The following GPR39 variants were observed in gnomAD, a reference collection of about 807,000 sequenced individuals.
The protein encoded by GPR39 is G protein-coupled receptor 39, also known as zinc sensing receptor.
A neutral mutation model predicts 18.4 loss-of-function variants in GPR39; 23 were observed. That is an observed-to-expected ratio of 1.25 (90% confidence interval 0.90 to 1.77). The LOEUF is 1.77. Among genes scored for constraint, GPR39 ranks in the 40% most tolerant of loss-of-function variants. GPR39 has a pLI of 0.00. For synonymous variants in GPR39, 280 were observed against 257.9 expected (o/e 1.09, Z -0.82); for missense variants, 647 against 602.4 (o/e 1.07, Z -0.78).
chr2:132,551,664 C>T (rs1012527476), intron 1 of GPR39, among the ~76,000 whole-genome samples: 1 of 152,188 alleles, frequency 6.6e-6, no homozygotes, highest in African/African-American at 2.4e-5. Context: ...CATTGCCAGA[C>T]ATTTATAGAG....
At chr2:132,610,777 C>CAAAAAAAAAAAAAAAAAAAA (rs34611787) in intron 1 of GPR39, among the ~76,000 whole-genome samples, 1 of 88,726 alleles carries the variant, frequency 1.1e-5, no homozygotes, top group African/African-American at 4.5e-5. Context: ...ACTCTGTCTC[C>CAAAAAAAAAAAAAAAAAAAA]AAAAAAAAAA....
rs538233391 is a variant in GPR39 at position 132,417,396 on chromosome 2, C to T, written c.354C>T (p.Cys118=). 1.2e-6 allele frequency: 2 copies of T among 1,614,092 alleles called. No homozygotes were observed. The highest frequency in any genetic ancestry group is 2.7e-5 in the African/African-American group (2 of 74,924). ...CKLHTFLFEA[C]SYATLLHVLT... is the part of the protein sequence containing the mutation. ...TGCACACTTTCCTCTTCGAGGCCTGCAGCTACGCTACGCTGCTGCACGTGC... is the reference window on the plus strand; with the variant it reads ...TGCACACTTTCCTCTTCGAGGCCTGTAGCTACGCTACGCTGCTGCACGTGC... Residue 118 remains cysteine (C), a synonymous_variant, in exon 1 of 2, where the codon TGC becomes TGT. Coordinates refer to ENST00000329321, the MANE Select transcript of GPR39 (RefSeq NM_001508.3).
chr2:132,520,993 C>A (rs2104766703), intron 1 of GPR39, among the ~76,000 whole-genome samples: 1 of 152,338 alleles, frequency 6.6e-6, no homozygotes, highest in Middle Eastern at 3.4e-3. Flanking sequence ...GGGGTTATTT[C>A]TTTCCCATCT....
At chr2:132,497,827 T>C (rs1681676278) in intron 1 of GPR39, among the ~76,000 whole-genome samples, 1 of 152,142 alleles carries the variant, frequency 6.6e-6, no homozygotes, top group African/African-American at 2.4e-5. Context: ...ATTATCTCTG[T>C]GGATGTCTGA....
chr2:132,500,049 C>G (rs542622991), intron 1 of GPR39, among the ~76,000 whole-genome samples: 2 of 152,286 alleles, frequency 1.3e-5, no homozygotes, highest in East Asian at 3.9e-4. Flanking sequence ...TTGACTTCCT[C>G]TTTTCTGATT....
intron 1 of GPR39, among the ~76,000 whole-genome samples, chr2:132,596,869 C>T (rs1680959436): frequency 6.6e-6 from 1 of 152,194 alleles, no homozygotes; most frequent in Non-Finnish European, 1.5e-5. Context: ...ATGTATATCC[C>T]AGGTTGAGAA....
At chr2:132,473,060 G>A (rs1681062929) in intron 1 of GPR39, among the ~76,000 whole-genome samples, 1 of 152,138 alleles carries the variant, frequency 6.6e-6, no homozygotes, top group African/African-American at 2.4e-5. Flanking sequence ...ACCTGCTACA[G>A]AGTTCTCTGT....
chr2:132,626,233 C>T lies in GPR39; in HGVS notation c.857-18868C>T, dbSNP rs190394052. Among the ~76,000 whole-genome samples, 12 of 152,218 alleles carry T rather than the reference C, an allele frequency of 7.9e-5. No individual in the cohort carries two copies. The East Asian group carries it at 2.3e-3, about 29-fold the overall frequency. The stretch of plus-strand genomic sequence containing the variant: ...GTGCTTTTCTCCAAAGGCATCTTCA[C>T]AAGTCTTTAGTATTTAAATCAACCC... On this transcript the variant is annotated intron_variant, in intron 1 of 1. Transcript: ENST00000329321.
chr2:132,628,213 A>G (rs544954617), intron 1 of GPR39, among the ~76,000 whole-genome samples: 1 of 152,282 alleles, frequency 6.6e-6, no homozygotes, highest in East Asian at 1.9e-4. Context: ...GGAGTTCCAG[A>G]TTTCTGGAAC....
chr2:132,612,172 C>A (rs1381467847), intron 1 of GPR39, among the ~76,000 whole-genome samples: 4 of 152,146 alleles, frequency 2.6e-5, no homozygotes, highest in Non-Finnish European at 5.9e-5. Context: ...ACATCTTAAT[C>A]TTTTCACCTT....
intron 1 of GPR39, among the ~76,000 whole-genome samples, chr2:132,462,120 C>T (rs192916271): frequency 1.7e-4 from 26 of 152,278 alleles, no homozygotes; most frequent in African/African-American, 6.0e-4. Flanking sequence ...CTGGAGATAG[C>T]CAAATATATA....
At chr2:132,641,264 A>AGACTGG (rs1341834463) in intron 1 of GPR39, among the ~76,000 whole-genome samples, 1 of 152,354 alleles carries the variant, frequency 6.6e-6, no homozygotes, top group East Asian at 1.9e-4. Context: ...TTCTAGGAAA[A>AGACTGG]GACTGGCTAA....
chr2:132,487,455 G>A (rs916925714), intron 1 of GPR39, among the ~76,000 whole-genome samples: 9 of 152,128 alleles, frequency 5.9e-5, no homozygotes, highest in Admixed American at 5.2e-4. Context: ...TTGAAGCGAA[G>A]CATAATAAAC....
intron 1 of GPR39, among the ~76,000 whole-genome samples, chr2:132,589,163 TG>T (rs1680782637): frequency 6.6e-6 from 1 of 152,176 alleles, no homozygotes; most frequent in African/African-American, 2.4e-5. Context: ...CAAAGAATCG[TG>T]GGACCCATGT....
chr2:132,559,840 C>T (rs1409974273), intron 1 of GPR39, among the ~76,000 whole-genome samples: 2 of 152,022 alleles, frequency 1.3e-5, no homozygotes, highest in Non-Finnish European at 2.9e-5. Flanking sequence ...CTGAATGAGA[C>T]TTGAGAGAGT....
chr2:132,446,565 A>G (rs1680541926), intron 1 of GPR39, among the ~76,000 whole-genome samples: 1 of 152,210 alleles, frequency 6.6e-6, no homozygotes, highest in Admixed American at 6.5e-5. Context: ...TGACGCTAGA[A>G]TTCCTCTTAG....
Position 132,417,583 on chromosome 2 carries a change from G to A in GPR39, c.541G>A (p.Val181Met), listed in dbSNP as rs773284831. Residue 181 changes from valine (V) to methionine (M), a missense_variant, in exon 1 of 2, where the codon GTG (valine) becomes ATG (methionine). Coordinates refer to ENST00000329321, the MANE Select transcript of GPR39 (RefSeq NM_001508.3). ...LFAMGTEYPL[V>M]NVPSHRGLTC... Reference sequence around the variant, plus strand: ...TGCCATGGGTACTGAGTACCCCCTGGTGAACGTGCCCAGCCACCGGGGTCT... The same window carrying A: ...TGCCATGGGTACTGAGTACCCCCTGATGAACGTGCCCAGCCACCGGGGTCT... The A allele has an allele frequency of 4.3e-6, 7 of 1,613,964 alleles. No individual in the cohort carries two copies. In the South Asian group the frequency reaches 5.5e-5, roughly 13 times the overall value.
chr2:132,622,757 C>T (rs536051626), intron 1 of GPR39, among the ~76,000 whole-genome samples: 2 of 152,296 alleles, frequency 1.3e-5, no homozygotes, highest in South Asian at 4.2e-4. Flanking sequence ...GGGTCTGCCA[C>T]CCATCATGTG....
At chr2:132,516,562 C>T (rs1404031743) in intron 1 of GPR39, among the ~76,000 whole-genome samples, 1 of 152,180 alleles carries the variant, frequency 6.6e-6, no homozygotes, top group Non-Finnish European at 1.5e-5. Flanking sequence ...GGGGGCTCAC[C>T]TGAGGCCTGT....
Sources: allele counts gnomAD v4.1 joint callset (sites outside exome capture counted in the v4.1 genomes callset), GRCh38; gene constraint gnomAD v4.1.1; transcripts MANE v1.5; gene names NCBI Gene and HGNC (gene_info 2026-07-23, HGNC 2026-07-21).